Variants in DAB1 observed in about 807,000 individuals in gnomAD.
DAB1 encodes the protein DAB adaptor protein 1.
Under a neutral mutation model 64.6 loss-of-function variants are expected in DAB1, and 15 were observed. The ratio of observed to expected loss-of-function variants is 0.23; its 90% CI spans 0.16 to 0.36. The LOEUF (loss-of-function observed/expected upper bound fraction) is 0.36, where lower values mean the gene tolerates loss of function less well. DAB1 is among the 10% of genes least tolerant of loss of function. The pLI is 1.00. For missense variants in DAB1, 596 were observed against 706.7 expected (o/e 0.84, Z 1.78); for synonymous variants, 235 against 251.9 (o/e 0.93, Z 0.64).
chr1:58,436,797 G>C (rs1644950152), intron 3 of DAB1, among the ~76,000 whole-genome samples: 1 of 152,200 alleles, frequency 6.6e-6, no homozygotes, highest in African/African-American at 2.4e-5. Flanking sequence ...AAATAAAGAA[G>C]TGCAGTGTCA....
chr1:57,996,898 C>A (rs1235840414), intron 5 of DAB1, among the ~76,000 whole-genome samples: 1 of 152,022 alleles, frequency 6.6e-6, no homozygotes, highest in Non-Finnish European at 1.5e-5. Context: ...TGTTGGTGAG[C>A]CTGGAGAGTG....
chr1:58,516,482 T>C (rs1380316736), intron 2 of DAB1, among the ~76,000 whole-genome samples: 1 of 152,242 alleles, frequency 6.6e-6, no homozygotes, highest in Non-Finnish European at 1.5e-5. Flanking sequence ...TACATGTTGG[T>C]CTTACCAGTG....
At chr1:58,027,588 T>C (rs1417907343) in intron 5 of DAB1, among the ~76,000 whole-genome samples, 1 of 152,206 alleles carries the variant, frequency 6.6e-6, no homozygotes, top group South Asian at 2.1e-4. Flanking sequence ...CTCTTTGATA[T>C]TAGGGTTGAG....
At chr1:58,383,951 C>T (rs536726950) in intron 3 of DAB1, among the ~76,000 whole-genome samples, 6 of 152,182 alleles carry the variant, frequency 3.9e-5, no homozygotes, top group South Asian at 2.1e-4. Context: ...TGAGGAACTG[C>T]GTTACTGTTT....
chr1:57,881,209 A>C (rs1644138648), intron 1 of DAB1, among the ~76,000 whole-genome samples: 1 of 152,208 alleles, frequency 6.6e-6, no homozygotes, highest in Admixed American at 6.5e-5. Context: ...GCCCCAAGTG[A>C]GTCTCTCCCT....
At chr1:57,792,672 C>A (rs1650659284) in intron 6 of DAB1, among the ~76,000 whole-genome samples, 2 of 152,150 alleles carry the variant, frequency 1.3e-5, no homozygotes, top group African/African-American at 4.8e-5. Context: ...TCTCCTGAAA[C>A]CTTATTAATG....
At chr1:58,213,787 G>A (rs1658693252) in intron 4 of DAB1, among the ~76,000 whole-genome samples, 1 of 151,966 alleles carries the variant, frequency 6.6e-6, no homozygotes. Context: ...TCCTAAATTG[G>A]GACTTCAGTA....
At chr1:57,663,265 G>A (rs1407031550) in intron 6 of DAB1, among the ~76,000 whole-genome samples, 1 of 152,140 alleles carries the variant, frequency 6.6e-6, no homozygotes, top group Non-Finnish European at 1.5e-5. Context: ...TGAGAACAGT[G>A]AGGGGGAAGT....
intron 5 of DAB1, among the ~76,000 whole-genome samples, chr1:58,063,090 G>T (rs967264584): frequency 6.6e-6 from 1 of 152,186 alleles, no homozygotes; most frequent in Non-Finnish European, 1.5e-5. Flanking sequence ...ACTACCTGGG[G>T]CTCTCTGGTC....
chr1:58,291,703 C>T (rs967260447), intron 4 of DAB1, among the ~76,000 whole-genome samples: 14 of 152,136 alleles, frequency 9.2e-5, no homozygotes, highest in Admixed American at 3.3e-4. Flanking sequence ...ATGAGGTAAA[C>T]GGTATTATTG....
At chr1:57,328,284 C>T (rs1329314166) in intron 1 of DAB1, among the ~76,000 whole-genome samples, 1 of 152,158 alleles carries the variant, frequency 6.6e-6, no homozygotes, top group Non-Finnish European at 1.5e-5. Flanking sequence ...AACCTCTGTG[C>T]CAGCGTTGGG....
At chr1:57,476,972 G>A (rs1020115643) in intron 7 of DAB1, among the ~76,000 whole-genome samples, 6 of 152,218 alleles carry the variant, frequency 3.9e-5, no homozygotes, top group Non-Finnish European at 8.8e-5. Flanking sequence ...TCGAGAAAAT[G>A]AGGTAATAAC....
chr1:57,922,845 C>CAAAAAAAAAAAAAAAAAAAAAAAAAAA (rs367897659), intron 5 of DAB1, among the ~76,000 whole-genome samples: 1 of 45,010 alleles, frequency 2.2e-5, no homozygotes, highest in African/African-American at 1.1e-4. Flanking sequence ...GACTCCATCT[C>CAAAAAAAAAAAAAAAAAAAAAAAAAAA]AAAAAAAAAA....
intron 5 of DAB1, among the ~76,000 whole-genome samples, chr1:58,016,161 A>AT (rs200081391): frequency 6.6e-5 from 10 of 151,530 alleles, no homozygotes; most frequent in Non-Finnish European, 1.2e-4. Flanking sequence ...GGGTCAGTAC[A>AT]TTTTTTTTTC....
At chr1:57,439,437 T>TTTGTTTTTTG (rs1227872752) in intron 7 of DAB1, among the ~76,000 whole-genome samples, 1 of 136,436 alleles carries the variant, frequency 7.3e-6, no homozygotes, top group East Asian at 2.2e-4. Context: ...TTTTTTTTTT[T>TTTGTTTTTTG]TTTTTTTTTT....
intron 7 of DAB1, among the ~76,000 whole-genome samples, chr1:57,606,504 T>TA (rs1323818720): frequency 1.3e-5 from 1 of 77,822 alleles, no homozygotes; most frequent in African/African-American, 7.5e-5. Flanking sequence ...ATATATAATA[T>TA]ATAATATAAT....
intron 1 of DAB1, among the ~76,000 whole-genome samples, chr1:57,307,620 C>A (rs1674302244): frequency 6.6e-6 from 1 of 152,096 alleles, no homozygotes; most frequent in African/African-American, 2.4e-5. Flanking sequence ...CTGGACCACA[C>A]CCCGTTTCCT....
Position 58,249,744 on chromosome 1 carries a change from C to T in DAB1, n.309+93608G>A, listed in dbSNP as rs553194693. ...GAAGGGTTAAATGGCTGCGCGTCAA[C>T]TCGGCCTCGACTGGGGTGTCAGGGA... On this transcript the variant is annotated intron_variant and non_coding_transcript_variant, in intron 4 of 20. Transcript: ENST00000485760. Among the ~76,000 whole-genome samples, 9 of 152,168 alleles carry T rather than the reference C, an allele frequency of 5.9e-5. No individual in the cohort carries two copies. In the East Asian group the frequency reaches 1.8e-3, roughly 30 times the overall value.
chr1:57,892,468 T>C (rs1644330995), intron 5 of DAB1, among the ~76,000 whole-genome samples: 1 of 152,214 alleles, frequency 6.6e-6, no homozygotes, highest in Non-Finnish European at 1.5e-5. Context: ...CACAACCCCA[T>C]GACATAGGTC....
Sources: gnomAD v4.1 joint callset for allele counts (sites outside exome capture counted in the v4.1 genomes callset) on GRCh38, gnomAD v4.1.1 for gene constraint, MANE v1.5 for transcripts, NCBI Gene and HGNC (gene_info 2026-07-23, HGNC 2026-07-21) for gene names.